CEACAM8: variants seen among roughly 807,000 people sequenced by gnomAD.
The protein encoded by CEACAM8 is cell adhesion molecule CEACAM8.
In CEACAM8, 31 loss-of-function variants were observed where a neutral mutation model predicts 33.4. The ratio of observed to expected loss-of-function variants is 0.93; its 90% CI spans 0.70 to 1.25. The LOEUF is 1.25. Among genes scored for constraint, CEACAM8 ranks in the 50% most tolerant of loss-of-function variants. The probability of loss-of-function intolerance (pLI) is 0.00; values close to 1 mark genes in which losing one functional copy is unlikely to be tolerated. For missense variants in CEACAM8, 388 were observed against 434.6 expected, an observed-to-expected ratio of 0.89 and a Z score of 0.95; for synonymous variants, 138 against 164.5, an observed-to-expected ratio of 0.84 and a Z score of 1.23.
At chr19:42,582,817 C>T (rs2042279048) in intron 5 of CEACAM8, among the ~76,000 whole-genome samples, 1 of 152,024 alleles carries the variant, frequency 6.6e-6, no homozygotes, top group Non-Finnish European at 1.5e-5. Flanking sequence ...AGTGAGTGAA[C>T]TAGATTTTAG....
At position 42,588,861 on chromosome 19, in the gene CEACAM8, C is replaced by T. The variant is rs2042380894; in HGVS notation, c.881G>A (p.Ser294Asn). 4 of 1,614,034 alleles carry T rather than the reference C, an allele frequency of 2.5e-6. No homozygotes were observed. The highest frequency in any genetic ancestry group is 1.7e-5 in the Admixed American group (1 of 59,986). ...AGTGGTGTGGCAGGCATAGGATCCG[C>T]TGTTCTTTGTAGTGATGTTGGGGAT... ...LFIPNITTKN[S>N]GSYACHTTNS... The change falls in exon 4 of 6, where the codon AGC becomes AAC. Residue 294 changes from serine to asparagine, a missense_variant. Ser to Asn is a conservative substitution (Grantham distance 46). Transcript: ENST00000244336.
At chr19:42,592,279 C>T (rs2042455585) in intron 2 of CEACAM8, among the ~76,000 whole-genome samples, 1 of 151,974 alleles carries the variant, frequency 6.6e-6, no homozygotes, top group African/African-American at 2.4e-5. Context: ...CTTCCTGTGC[C>T]TCCGTTTCTT....
chr19:42,587,564 T>C (rs1315082398), intron 4 of CEACAM8, among the ~76,000 whole-genome samples: 1 of 152,076 alleles, frequency 6.6e-6, no homozygotes, highest in Non-Finnish European at 1.5e-5. Context: ...AGACAGAAAG[T>C]AGAATGGAGG....
intron 5 of CEACAM8, among the ~76,000 whole-genome samples, chr19:42,582,627 G>A (rs1306450718): frequency 6.6e-6 from 1 of 152,164 alleles, no homozygotes; most frequent in Non-Finnish European, 1.5e-5. Flanking sequence ...CATAGCATTG[G>A]AACTAAGAAT....
At chr19:42,590,650 GACATTAT>G (rs1290251876) in intron 2 of CEACAM8, among the ~76,000 whole-genome samples, 2 of 152,166 alleles carry the variant, frequency 1.3e-5, no homozygotes, top group African/African-American at 4.8e-5. Context: ...TCTCCTACTG[GACATTAT>G]ACAGAGTGAA....
chr19:42,591,870 T>A (rs186004079), intron 2 of CEACAM8, among the ~76,000 whole-genome samples: 1 of 152,314 alleles, frequency 6.6e-6, no homozygotes, highest in Admixed American at 6.5e-5. Context: ...ATGTTGGGCC[T>A]GTCCTGGTGC....
At chr19:42,584,881 CA>C (rs1327717658) in intron 4 of CEACAM8, among the ~76,000 whole-genome samples, 1 of 152,024 alleles carries the variant, frequency 6.6e-6, no homozygotes, top group African/African-American at 2.4e-5. Context: ...AATGGACAAA[CA>C]ATAGAGGAAA....
At chr19:42,586,365 A>C (rs1386655191) in intron 4 of CEACAM8, among the ~76,000 whole-genome samples, 2 of 152,240 alleles carry the variant, frequency 1.3e-5, no homozygotes, top group Non-Finnish European at 2.9e-5. Flanking sequence ...TAATCAATAC[A>C]ATGCAGTACT....
intron 4 of CEACAM8, 49 bp downstream of exon 4, chr19:42,588,735 A>G (rs1413534009): frequency 1.2e-6 from 2 of 1,604,014 alleles, no homozygotes; most frequent in Non-Finnish European, 1.7e-6. Flanking sequence ...TGAAAGCCAG[A>G]TAGACTCTAC....
chr19:42,588,866 C>A lies in CEACAM8; in HGVS notation c.876G>T (p.Lys292Asn). 6.2e-7 allele frequency: 1 copy of A among 1,614,112 alleles called. No homozygotes were observed. The highest frequency in any genetic ancestry group is 8.5e-7 in the Non-Finnish European group (1 of 1,180,014). Residue 292 changes from lysine to asparagine, a missense_variant, in exon 4 of 6, where the codon AAG becomes AAT. Coordinates refer to ENST00000244336, the MANE Select transcript of CEACAM8 (RefSeq NM_001816.4). ...TGTGGCAGGCATAGGATCCGCTGTT[C>A]TTTGTAGTGATGTTGGGGATAAAGA... ...QKLFIPNITT[K>N]NSGSYACHTT...
At chr19:42,581,920 A>AATATATATATATATATATATATATATAT (rs57314008) in intron 5 of CEACAM8, among the ~76,000 whole-genome samples, 1 of 25,312 alleles carries the variant, frequency 4.0e-5, no homozygotes, top group African/African-American at 1.6e-4. Context: ...AAAAAAAAAA[A>AATATATATATATATATATATATATATAT]ATATATATAT....
chr19:42,583,341 T>C lies in CEACAM8; in HGVS notation c.959-4A>G, dbSNP rs1202781547. 1 of 1,598,602 alleles carries C rather than the reference T, an allele frequency of 6.3e-7. No homozygotes were observed. The highest frequency in any genetic ancestry group is 2.2e-5 in the East Asian group (1 of 44,742). On this transcript the variant is annotated splice_polypyrimidine_tract_variant and splice_region_variant and intron_variant, in intron 4 of 5. Transcript: ENST00000244336. ...GAACTTCCTTGTACTAAAGCATCTG[T>C]CATGGAAAGAAAAGAAGAGAAGGAA...
chr19:42,580,766 CACTT>C lies in CEACAM8; in HGVS notation c.*624_*627del, dbSNP rs1322635183. On this transcript the variant is annotated 3_prime_UTR_variant, in exon 6 of 6. Transcript: ENST00000244336. ...AAATTCATAAATCTGAAAAAGAAAACACTTAAAGAATTGGCAATTTTTCAAATAA... is the reference window on the plus strand; with the variant it reads ...AAATTCATAAATCTGAAAAAGAAAACAAAGAATTGGCAATTTTTCAAATAA... 1.3e-5 allele frequency: 2 copies of C among 152,010 alleles called. No individual in the cohort carries two copies. Among genetic ancestry groups the C allele is most frequent in the Admixed American group, 6.6e-5 (1 of 15,264 alleles). 9.4% of individuals were successfully genotyped at this position (152,010 alleles called of 1,614,324 possible). A position where few individuals can be genotyped will look rare whatever the true frequency, so the allele number is the denominator to read the frequency against.
At chr19:42,594,046 T>A (rs1358992795) in intron 1 of CEACAM8, 146 bp from the exon 2 acceptor site, 1 of 828,678 alleles carries the variant, frequency 1.2e-6, no homozygotes, top group Non-Finnish European at 1.9e-6. Context: ...ACAGCCCCCA[T>A]TTCTTCAACA....
rs149937912 is a variant in CEACAM8, at chr19:42,585,881, A to G, written c.959-2544T>C. On this transcript the variant is annotated intron_variant, in intron 4 of 5. Transcript: ENST00000244336. ...AAAACCTGTTAGAATTTATTAATAA[A>G]TTCAGTAATGTTGCAGGATACAAAA... 1.1e-3 allele frequency among the ~76,000 whole-genome samples: 175 copies of G among 152,314 alleles called. 4 individuals carry two copies. The East Asian group carries it at 0.033, about 28-fold the overall frequency.
Position 42,583,274 on chromosome 19 carries a change from C to T in CEACAM8, c.1022G>A (p.Gly341Glu). 1 of 1,613,114 alleles carries T rather than the reference C, an allele frequency of 6.2e-7. No homozygotes were observed. The highest frequency in any genetic ancestry group is 8.5e-7 in the Non-Finnish European group (1 of 1,179,184). The change falls in exon 5 of 6, where the codon GGA (glycine) becomes GAA (glutamate). Residue 341 changes from glycine to glutamate, a missense_variant. By Grantham distance (98) the Gly-to-Glu change is moderately conservative. Coordinates refer to ENST00000244336, the MANE Select transcript of CEACAM8 (RefSeq NM_001816.4). ...SARATVSIMI[G>E]VLARVALI is the part of the protein sequence containing the mutation. ...TATCAGAGCCACCCTGGCCAGTACT[C>T]CAATCATGATGCTGACAGTGGCTCT...
chr19:42,583,000 G>A, intron 5 of CEACAM8: 1 of 461,296 alleles, frequency 2.2e-6, no homozygotes, highest in South Asian at 4.6e-5. Context: ...GGAAACAAAT[G>A]AGCAGAGGCT....
At position 42,593,835 on chromosome 19, in the gene CEACAM8, T is replaced by G; in HGVS notation, c.130A>C (p.Asn44His). The G allele has an allele frequency of 6.2e-7, 1 of 1,613,676 alleles. No homozygotes were observed. Among genetic ancestry groups the G allele is most frequent in the Non-Finnish European group, 8.5e-7 (1 of 1,179,802 alleles). The change falls in exon 2 of 6, where the codon AAT (asparagine) becomes CAT (histidine). Residue 44 changes from asparagine (N) to histidine (H), a missense_variant. Coordinates refer to ENST00000244336, the MANE Select transcript of CEACAM8 (RefSeq NM_001816.4). ...AGAACCTCCTTCCCCTCTGCAGCAT[T>G]GGATGGCACAGCTTCAATAGTGAGC... is the stretch of plus-strand genomic sequence containing the variant. ...AQLTIEAVPSNAAEGKEVLLL... is the reference protein window; with the variant it reads ...AQLTIEAVPSHAAEGKEVLLL...
At chr19:42,592,638 T>C (rs989248512) in intron 2 of CEACAM8, among the ~76,000 whole-genome samples, 2 of 151,580 alleles carry the variant, frequency 1.3e-5, no homozygotes, top group South Asian at 4.2e-4. Context: ...AAAGAATTAT[T>C]ATTTCTTTCT....
Sources: allele counts gnomAD v4.1 joint callset (sites outside exome capture counted in the v4.1 genomes callset), GRCh38; gene constraint gnomAD v4.1.1; transcripts MANE v1.5; gene names NCBI Gene and HGNC (gene_info 2026-07-23, HGNC 2026-07-21).